The following DCHS1 variants were observed in gnomAD, a reference collection of about 807,000 sequenced individuals.
DCHS1 encodes protocadherin-16.
A neutral mutation model predicts 213.9 loss-of-function variants in DCHS1; 78 were observed. The observed-to-expected ratio is 0.36, with a 90% CI of 0.30 to 0.44. The LOEUF is 0.44. Among genes scored for constraint, DCHS1 ranks in the 20% least tolerant of loss-of-function variants. The pLI is 1.00. For missense variants in DCHS1, 3,946 were observed against 4,395.9 expected (o/e 0.90, Z 2.89); for synonymous variants, 1,828 against 1,873.7 (o/e 0.98, Z 0.63).
chr11:6,630,198 C>G lies in DCHS1; in HGVS notation c.4596G>C (p.Ala1532=). The G allele has an allele frequency of 6.3e-7, 1 of 1,580,176 alleles. No homozygotes were observed. Among genetic ancestry groups the G allele is most frequent in the Non-Finnish European group, 8.6e-7 (1 of 1,164,422 alleles). The change falls in exon 10 of 21, where the codon GCG becomes GCC. Residue 1532 remains alanine (A), a synonymous_variant. Coordinates refer to ENST00000299441, the MANE Select transcript of DCHS1 (RefSeq NM_003737.4). The part of the protein sequence containing the change: ...ASRRRAARVS[A]RVFVTDENDN... ...CATTCTCATCCGTGACGAAGACGCG[C>G]GCTGAAACGCGCGCTGCACGACGGC...
At chr11:6,631,434 G>T in intron 7 of DCHS1, 27 bp from the exon 8 acceptor site, 1 of 1,613,314 alleles carries the variant, frequency 6.2e-7, no homozygotes, top group Non-Finnish European at 8.5e-7. Flanking sequence ...CACCTAGTGA[G>T]TCTCTTTCCT....
chr11:6,637,664 ATTC>A (rs925625665), intron 2 of DCHS1, among the ~76,000 whole-genome samples: 2 of 151,794 alleles, frequency 1.3e-5, no homozygotes, highest in Non-Finnish European at 2.9e-5. Context: ...TAAATTGCTC[ATTC>A]TTTAAGTCTC....
rs2134616350 is a variant in DCHS1, at chr11:6,625,575, C to T, written c.6862+22G>A. ...AATGTCTCTCTGCCACCCTTTATGC[C>T]ACCCACTTTACCCAGCCTCACCTTC... On this transcript the variant is annotated intron_variant, in intron 18 of 20. Coordinates refer to ENST00000299441, the MANE Select transcript of DCHS1 (RefSeq NM_003737.4). This position sits in a 1 kb window ranked among gnomAD's most constrained non-coding sequence, Gnocchi z 5.3. 1 of 1,613,490 alleles carries T rather than the reference C, an allele frequency of 6.2e-7. No homozygotes were observed. Among genetic ancestry groups the T allele is most frequent in the East Asian group, 2.2e-5 (1 of 44,890 alleles).
In DCHS1 at chr11:6,632,752, G is replaced by A. The variant is rs764329263; in HGVS notation, c.2760C>T (p.Asp920=). ...CTCGACTGTTAACACCTGAGTCGGG[G>A]TCAAGAGCCCGCAGTGTATAGATGG... The part of the protein sequence containing the change: ...GTPIYTLRAL[D]PDSGVNSRVT... The change falls in exon 6 of 21, where the codon GAC becomes GAT. Residue 920 remains aspartate, a synonymous_variant. Coordinates refer to ENST00000299441, the MANE Select transcript of DCHS1 (RefSeq NM_003737.4). This position sits in a 1 kb window ranked among gnomAD's most constrained non-coding sequence, Gnocchi z 5.9. 6.2e-7 allele frequency: 1 copy of A among 1,612,372 alleles called. No homozygotes were observed. Among genetic ancestry groups the A allele is most frequent in the South Asian group, 1.1e-5 (1 of 90,656 alleles).
At position 6,631,612 on chromosome 11, in the gene DCHS1, A is replaced by T. The variant is rs758695683; in HGVS notation, c.3675+4T>A. 7.7e-6 allele frequency: 12 copies of T among 1,567,854 alleles called. 1 individual carries two copies. In the South Asian group the frequency reaches 1.5e-4, roughly 19 times the overall value. ...TCAGGACAAAGTCCTGCCACTTCAC[A>T]TACCTGTATAGGGAGGCCCCCACCA... On this transcript the variant is annotated splice_donor_region_variant and intron_variant, in intron 7 of 20. Transcript: ENST00000299441.
intron 5 of DCHS1, 136 bp downstream of exon 5, chr11:6,633,275 TG>T (rs1855941073): frequency 3.9e-6 from 4 of 1,029,782 alleles, no homozygotes; most frequent in Non-Finnish European, 5.6e-6. Context: ...CCTAAGGAGG[TG>T]TTGGGCATTG....
Position 6,634,025 on chromosome 11 carries a change from TG to T in DCHS1, c.1987-6del. 6.2e-7 allele frequency: 1 copy of T among 1,613,228 alleles called. No homozygotes were observed. The highest frequency in any genetic ancestry group is 8.5e-7 in the Non-Finnish European group (1 of 1,179,458). ...TACCATGGACTTGAGGCCTCCCTGGTGGGACATGCAGCCATAGGTCAGGTGG... is the reference window on the plus strand; with the variant it reads ...TACCATGGACTTGAGGCCTCCCTGGTGGACATGCAGCCATAGGTCAGGTGG... On this transcript the variant is annotated splice_polypyrimidine_tract_variant and splice_region_variant and intron_variant, in intron 3 of 20. Coordinates refer to ENST00000299441, the MANE Select transcript of DCHS1 (RefSeq NM_003737.4).
chr11:6,651,044 TATTC>T (rs1028374446), intron 1 of DCHS1, among the ~76,000 whole-genome samples: 2 of 152,158 alleles, frequency 1.3e-5, no homozygotes, highest in African/African-American at 2.4e-5. Flanking sequence ...GGTACCCATG[TATTC>T]ATTCATTTTG....
chr11:6,625,535 T>G lies in DCHS1; in HGVS notation c.6863-54A>C, dbSNP rs1227989638. The G allele has an allele frequency of 6.2e-7, 1 of 1,611,354 alleles. No homozygotes were observed. Among genetic ancestry groups the G allele is most frequent in the East Asian group, 2.2e-5 (1 of 44,892 alleles). ...CAATGGACACAGCCCCACCTTGAGC[T>G]GCAGGGTGGAGAAAAATGTCTCTCT... On this transcript the variant is annotated intron_variant, in intron 18 of 20. Coordinates refer to ENST00000299441, the MANE Select transcript of DCHS1 (RefSeq NM_003737.4). This position sits in a 1 kb window ranked among gnomAD's most constrained non-coding sequence, Gnocchi z 5.3.
In DCHS1 at chr11:6,655,712, C is replaced by G; in HGVS notation, c.-270G>C. The G allele has an allele frequency of 1.0e-6, 1 of 980,738 alleles. No homozygotes were observed. Among genetic ancestry groups the G allele is most frequent in the Non-Finnish European group, 1.2e-6 (1 of 828,018 alleles). 60.8% of individuals were successfully genotyped at this position (980,738 alleles called of 1,614,324 possible). ...GCCCGCGATCCCCTCCGGGCAGCCG[C>G]CGTCGGTCCGCGCGCCCTTGGCCGT... On this transcript the variant is annotated 5_prime_UTR_variant, in exon 1 of 21. Coordinates refer to ENST00000299441, the MANE Select transcript of DCHS1 (RefSeq NM_003737.4).
rs1289131533 is a variant in DCHS1, at chr11:6,634,238, C to T, written c.1866G>A (p.Gly622=). ...TGCGGAATGGGGGAGATCCGGAGGA[C>T]CCAAGTCCAGCACCCAAGGAATAGG... ...LLSYSLGAGL[G]SSGSPPFRID... The change falls in exon 3 of 21, where the codon GGG becomes GGA. Residue 622 remains glycine, a synonymous_variant. Coordinates refer to ENST00000299441, the MANE Select transcript of DCHS1 (RefSeq NM_003737.4). 1 of 1,613,746 alleles carries T rather than the reference C, an allele frequency of 6.2e-7. No homozygotes were observed. The highest frequency in any genetic ancestry group is 2.2e-5 in the East Asian group (1 of 44,900).
In DCHS1 at chr11:6,625,523, C is replaced by T. The variant is rs1235744526; in HGVS notation, c.6863-42G>A. On this transcript the variant is annotated intron_variant, in intron 18 of 20. Transcript: ENST00000299441. The surrounding 1 kb of genome is among the most constrained non-coding windows in gnomAD (Gnocchi z 5.3). ...TAGTGTGTTTGGCAATGGACACAGC[C>T]CCACCTTGAGCTGCAGGGTGGAGAA... is the stretch of plus-strand genomic sequence containing the variant. 6 of 1,609,652 alleles carry T rather than the reference C, an allele frequency of 3.7e-6. No individual in the cohort carries two copies. Among genetic ancestry groups the T allele is most frequent in the Non-Finnish European group, 5.1e-6 (6 of 1,178,770 alleles).
chr11:6,624,456 C>A, intron 20 of DCHS1, 66 bp from the exon 21 acceptor site: 1 of 1,456,272 alleles, frequency 6.9e-7, no homozygotes, highest in Non-Finnish European at 9.1e-7. Context: ...GAAGAGTGAC[C>A]CTTCAGGATC....
Position 6,622,689 on chromosome 11 carries a change from G to A in DCHS1, c.8987C>T (p.Pro2996Leu). 1 of 1,593,324 alleles carries A rather than the reference G, an allele frequency of 6.3e-7. No individual in the cohort carries two copies. The highest frequency in any genetic ancestry group is 8.5e-7 in the Non-Finnish European group (1 of 1,170,176). ...GTGATAGAGGTGCTCAGAGGGTGGT[G>A]GACTAGGTGGCTCCCGGCCCAGTTT... Reference protein sequence around the residue: ...LQKLGREPPSPPPSEHLYHQT... With the variant: ...LQKLGREPPSLPPSEHLYHQT... Residue 2996 changes from proline (P) to leucine (L), a missense_variant, in exon 21 of 21, where the codon CCA (proline) becomes CTA (leucine). Transcript: ENST00000299441. This position sits in a 1 kb window ranked among gnomAD's most constrained non-coding sequence, Gnocchi z 5.4.
chr11:6,631,603 C>T lies in DCHS1; in HGVS notation c.3675+13G>A. On this transcript the variant is annotated intron_variant, in intron 7 of 20. Transcript: ENST00000299441. ...TCACACTTCTCAGGACAAAGTCCTG[C>T]CACTTCACATACCTGTATAGGGAGG... The T allele has an allele frequency of 3.2e-6, 5 of 1,562,852 alleles. No individual in the cohort carries two copies. Among genetic ancestry groups the T allele is most frequent in the East Asian group, 4.5e-5 (2 of 44,122 alleles).
intron 2 of DCHS1, among the ~76,000 whole-genome samples, chr11:6,636,933 C>T (rs1855994611): frequency 1.3e-5 from 2 of 152,236 alleles, no homozygotes; most frequent in South Asian, 4.1e-4. Context: ...CTAAATCCGA[C>T]CAGCCCAAAA....
chr11:6,638,242 CA>C, intron 2 of DCHS1, among the ~76,000 whole-genome samples: 1 of 152,310 alleles, frequency 6.6e-6, no homozygotes, highest in African/African-American at 2.4e-5. Flanking sequence ...AGTTTGGAGA[CA>C]TAAGGACACT....
At position 6,623,380 on chromosome 11, in the gene DCHS1, C is replaced by G. The variant is rs773350586; in HGVS notation, c.8296G>C (p.Glu2766Gln). The G allele has an allele frequency of 1.3e-6, 2 of 1,598,320 alleles. No individual in the cohort carries two copies. The highest frequency in any genetic ancestry group is 1.7e-6 in the Non-Finnish European group (2 of 1,172,530). ...TCAAAGGGCACTCGCGCACGCAACT[C>G]CCCTGTTGAGCTGTTCAGTGCAAAT... is the stretch of plus-strand genomic sequence containing the variant. The part of the protein sequence containing the change: ...EAFALNSSTG[E>Q]LRARVPFDYE... The change falls in exon 21 of 21, where the codon GAG becomes CAG. Residue 2766 changes from glutamate to glutamine, a missense_variant. By Grantham distance (29) the Glu-to-Gln change is conservative. This residue lies in a region of DCHS1 where 3,384 missense variants were observed against 3,780.1 expected (regional missense o/e 0.90). Transcript: ENST00000299441.
Position 6,622,898 on chromosome 11 carries a change from T to G in DCHS1, c.8778A>C (p.Ala2926=). The G allele has an allele frequency of 2.5e-6, 4 of 1,597,064 alleles. No homozygotes were observed. The highest frequency in any genetic ancestry group is 3.4e-6 in the Non-Finnish European group (4 of 1,171,980). The change falls in exon 21 of 21, where the codon GCA becomes GCC. Residue 2926 remains alanine (A), a synonymous_variant. Coordinates refer to ENST00000299441, the MANE Select transcript of DCHS1 (RefSeq NM_003737.4). This position sits in a 1 kb window ranked among gnomAD's most constrained non-coding sequence, Gnocchi z 5.4. ...VPVTVDITHT[A]LGLAPDLNLL... is the part of the protein sequence containing the mutation. ...GGTTGAGGTCAGGTGCCAGGCCCAG[T>G]GCGGTGTGGGTGATATCCACGGTCA...
Sources: allele counts gnomAD v4.1 joint callset (sites outside exome capture counted in the v4.1 genomes callset), GRCh38; gene constraint gnomAD v4.1.1; regional missense constraint gnomAD v4.1.1; non-coding constraint Gnocchi (gnomAD v3.1); transcripts MANE v1.5; gene names NCBI Gene and HGNC (gene_info 2026-07-23, HGNC 2026-07-21).